The following PAPSS1 variants were observed in gnomAD, a reference collection of about 807,000 sequenced individuals.
PAPSS1 encodes bifunctional 3'-phosphoadenosine 5'-phosphosulfate synthase 1.
In PAPSS1, 50 loss-of-function variants were observed where a neutral mutation model predicts 72.0. The ratio of observed to expected loss-of-function variants is 0.69; its 90% confidence interval spans 0.55 to 0.88. The LOEUF (loss-of-function observed/expected upper bound fraction) is 0.88. Ranked by LOEUF, PAPSS1 falls within the 40% of genes least tolerant of loss-of-function variation. PAPSS1 has a pLI of 0.00. For synonymous variants in PAPSS1, 261 were observed against 263.6 expected (o/e 0.99, Z 0.09); for missense variants, 657 against 782.2 (o/e 0.84, Z 1.91).
intron 10 of PAPSS1, among the ~76,000 whole-genome samples, chr4:107,633,929 A>C (rs992965578): frequency 6.6e-6 from 1 of 151,812 alleles, no homozygotes; most frequent in African/African-American, 2.4e-5. Context: ...AAAAAAAAAA[A>C]AAAAAAAAGA....
intron 2 of PAPSS1, among the ~76,000 whole-genome samples, chr4:107,698,005 A>G (rs1472606802): frequency 2.0e-5 from 3 of 152,202 alleles, no homozygotes; most frequent in Admixed American, 6.5e-5. Context: ...CAGCACTTAC[A>G]GGAGGAACCA....
chr4:107,668,211 G>C (rs1407918357), intron 5 of PAPSS1, among the ~76,000 whole-genome samples: 1 of 152,138 alleles, frequency 6.6e-6, no homozygotes, highest in Non-Finnish European at 1.5e-5. Flanking sequence ...TGAACTATCT[G>C]GGACAAATAA....
At chr4:107,615,195 C>A (rs1451650110) in intron 11 of PAPSS1, among the ~76,000 whole-genome samples, 1 of 151,974 alleles carries the variant, frequency 6.6e-6, no homozygotes, top group Non-Finnish European at 1.5e-5. Flanking sequence ...TACAAAAACA[C>A]ACAAAAGCCC....
At chr4:107,719,889 G>A in intron 1 of PAPSS1, 1 of 1,354,300 alleles carries the variant, frequency 7.4e-7, no homozygotes, top group Non-Finnish European at 9.4e-7. Context: ...CACGAACGGT[G>A]GCTCGGACCG....
intron 11 of PAPSS1, among the ~76,000 whole-genome samples, chr4:107,623,767 A>C (rs1358891663): frequency 1.3e-5 from 2 of 152,162 alleles, no homozygotes; most frequent in African/African-American, 4.8e-5. Flanking sequence ...ATTGAAAATC[A>C]ATACTCTCAA....
intron 5 of PAPSS1, among the ~76,000 whole-genome samples, chr4:107,678,034 T>G (rs1219810174): frequency 2.0e-5 from 3 of 152,022 alleles, no homozygotes; most frequent in African/African-American, 7.2e-5. Context: ...CGGGGCCTGT[T>G]GTGTGGCTTG....
chr4:107,665,036 A>AC (rs1416212543), intron 5 of PAPSS1, among the ~76,000 whole-genome samples: 2 of 152,244 alleles, frequency 1.3e-5, no homozygotes, highest in Non-Finnish European at 2.9e-5. Context: ...CAATGCCAAA[A>AC]TAAACATTCG....
intron 5 of PAPSS1, among the ~76,000 whole-genome samples, chr4:107,676,646 G>C (rs1727659551): frequency 6.6e-6 from 1 of 152,136 alleles, no homozygotes. Flanking sequence ...TCCCCATCAG[G>C]CTACCAAGAA....
intron 1 of PAPSS1, among the ~76,000 whole-genome samples, chr4:107,715,914 C>T (rs1319803018): frequency 6.6e-6 from 1 of 152,188 alleles, no homozygotes; most frequent in East Asian, 1.9e-4. Context: ...TATCTCATTA[C>T]AGATGAGGAT....
intron 9 of PAPSS1, among the ~76,000 whole-genome samples, chr4:107,646,492 G>A (rs937886283): frequency 6.6e-6 from 1 of 151,630 alleles, no homozygotes; most frequent in Non-Finnish European, 1.5e-5. Context: ...AAATAAACCA[G>A]AGCTCCTTGG....
chr4:107,710,041 A>G (rs1484630223), intron 1 of PAPSS1, among the ~76,000 whole-genome samples: 2 of 152,224 alleles, frequency 1.3e-5, no homozygotes, highest in Non-Finnish European at 2.9e-5. Flanking sequence ...TATACATGTA[A>G]TCTTCTTCTA....
intron 5 of PAPSS1, among the ~76,000 whole-genome samples, chr4:107,673,205 G>A (rs1396773431): frequency 6.6e-6 from 1 of 152,212 alleles, no homozygotes; most frequent in Non-Finnish European, 1.5e-5. Flanking sequence ...AACAAAGCTG[G>A]ACGGAGAATG....
chr4:107,672,901 A>G (rs1408218883), intron 5 of PAPSS1, among the ~76,000 whole-genome samples: 2 of 152,180 alleles, frequency 1.3e-5, no homozygotes, highest in African/African-American at 4.8e-5. Flanking sequence ...TTTACTGCTC[A>G]CCAATATCCG....
intron 11 of PAPSS1, among the ~76,000 whole-genome samples, chr4:107,630,069 T>A (rs1168167802): frequency 6.6e-6 from 1 of 152,192 alleles, no homozygotes. Context: ...AAAGACTACA[T>A]TGACATGGTT....
At chr4:107,639,669 G>A (rs1377434669) in intron 10 of PAPSS1, among the ~76,000 whole-genome samples, 1 of 152,154 alleles carries the variant, frequency 6.6e-6, no homozygotes, top group Non-Finnish European at 1.5e-5. Context: ...CCCAAAGAGA[G>A]TCAAAGGTAC....
Position 107,667,125 on chromosome 4 carries a change from C to G in PAPSS1, c.670-7053G>C, listed in dbSNP as rs2110327381. On this transcript the variant is annotated intron_variant, in intron 5 of 11. Coordinates refer to ENST00000265174, the MANE Select transcript of PAPSS1 (RefSeq NM_005443.5). ...GCATTAGAGAGATTGAGTTCAATCA[C>G]CAATGGCCAATGATTTAATCAAATG... Among the ~76,000 whole-genome samples, 3 of 152,238 alleles carry G rather than the reference C, an allele frequency of 2.0e-5. No individual in the cohort carries two copies. In the South Asian group the frequency reaches 6.2e-4, roughly 32 times the overall value.
intron 11 of PAPSS1, among the ~76,000 whole-genome samples, chr4:107,621,302 C>T (rs1206572881): frequency 6.6e-6 from 1 of 152,044 alleles, no homozygotes; most frequent in Non-Finnish European, 1.5e-5. Flanking sequence ...TGGAACGATG[C>T]TCATGAAAAG....
At chr4:107,683,907 A>G (rs1397450667) in intron 4 of PAPSS1, among the ~76,000 whole-genome samples, 1 of 152,044 alleles carries the variant, frequency 6.6e-6, no homozygotes, top group Non-Finnish European at 1.5e-5. Context: ...AAAATAAGCA[A>G]CTCTATAATC....
intron 1 of PAPSS1, among the ~76,000 whole-genome samples, chr4:107,718,885 T>C (rs1177473648): frequency 1.3e-5 from 2 of 152,180 alleles, no homozygotes; most frequent in Admixed American, 6.5e-5. Context: ...GTCTTCTTTG[T>C]TCATCAAAAC....
Sources: allele counts gnomAD v4.1 joint callset (sites outside exome capture counted in the v4.1 genomes callset), GRCh38; gene constraint gnomAD v4.1.1; transcripts MANE v1.5; gene names NCBI Gene and HGNC (gene_info 2026-07-23, HGNC 2026-07-21).